The following KAZN variants were observed in gnomAD, a reference collection of about 807,000 sequenced individuals.
The protein encoded by KAZN is kazrin.
A neutral mutation model predicts 87.4 loss-of-function variants in KAZN; 40 were observed. The ratio of observed to expected loss-of-function variants is 0.46; its 90% CI spans 0.36 to 0.60. The LOEUF is 0.60. Among genes scored for constraint, KAZN ranks in the 20% least tolerant of loss-of-function variants. The pLI is 0.00. For synonymous variants in KAZN, 466 were observed against 458.3 expected (o/e 1.02, Z -0.22); for missense variants, 898 against 1,073.9 (o/e 0.84, Z 2.29).
At chr1:15,051,241 C>G (rs977990803) in intron 4 of KAZN, among the ~76,000 whole-genome samples, 1 of 152,230 alleles carries the variant, frequency 6.6e-6, no homozygotes, top group Non-Finnish European at 1.5e-5. Context: ...GCCAGACTTG[C>G]TCTCTGATGT....
intron 1 of KAZN, among the ~76,000 whole-genome samples, chr1:14,704,755 G>A (rs886374194): frequency 1.3e-5 from 2 of 152,158 alleles, no homozygotes; most frequent in Admixed American, 6.5e-5. Context: ...AAATGACATC[G>A]GGGTTCAGCC....
chr1:14,972,813 C>T (rs1665217697), intron 2 of KAZN, among the ~76,000 whole-genome samples: 1 of 152,102 alleles, frequency 6.6e-6, no homozygotes, highest in Non-Finnish European at 1.5e-5. Context: ...CTGTGCCTGG[C>T]CGTGAGCTCT....
rs545314823 is a variant in KAZN at position 15,077,744 on chromosome 1, C to G, written c.1222+11991C>G. ...ATCCAAGAAATCCCAGGAGGCTGCG[C>G]AGTTATCAGCATGAAAAGCAGCTGC... is the stretch of plus-strand genomic sequence containing the variant. On this transcript the variant is annotated intron_variant, in intron 8 of 14. Coordinates refer to ENST00000376030, the MANE Select transcript of KAZN (RefSeq NM_201628.3). This position sits in a 1 kb window ranked among gnomAD's most constrained non-coding sequence, Gnocchi z 4.8. 6.6e-5 allele frequency among the ~76,000 whole-genome samples: 10 copies of G among 152,324 alleles called. No homozygotes were observed. The highest frequency in any genetic ancestry group is 4.1e-4 in the South Asian group (2 of 4,828).
intron 1 of KAZN, among the ~76,000 whole-genome samples, chr1:13,958,830 G>C (rs1018117684): frequency 6.6e-6 from 1 of 152,102 alleles, no homozygotes; most frequent in African/African-American, 2.4e-5. Flanking sequence ...GCCAAGGCGG[G>C]AGTGGAAGTG....
At chr1:14,282,854 G>GA (rs1652951221) in intron 2 of KAZN, among the ~76,000 whole-genome samples, 1 of 152,226 alleles carries the variant, frequency 6.6e-6, no homozygotes, top group Non-Finnish European at 1.5e-5. Flanking sequence ...CAGCCAGGAA[G>GA]ATAATAGATG....
At chr1:14,886,335 A>T (rs1310476134) in intron 1 of KAZN, among the ~76,000 whole-genome samples, 2 of 152,100 alleles carry the variant, frequency 1.3e-5, no homozygotes, top group African/African-American at 2.4e-5. Flanking sequence ...ATGTGGGAGG[A>T]TCACTTGAGC....
chr1:14,216,957 G>A (rs1646969346), intron 2 of KAZN, among the ~76,000 whole-genome samples: 1 of 152,152 alleles, frequency 6.6e-6, no homozygotes, highest in South Asian at 2.1e-4. Context: ...TGGGCAACAG[G>A]AAAAGATCAC....
intron 1 of KAZN, among the ~76,000 whole-genome samples, chr1:13,899,646 T>A (rs929906503): frequency 5.4e-5 from 2 of 37,268 alleles, no homozygotes; most frequent in Non-Finnish European, 4.8e-5. Context: ...TGGTTGTCCT[T>A]TTTTTTTTTT....
At chr1:14,307,553 C>T (rs1207967830) in intron 2 of KAZN, among the ~76,000 whole-genome samples, 1 of 152,166 alleles carries the variant, frequency 6.6e-6, no homozygotes, top group Non-Finnish European at 1.5e-5. Context: ...GGACTTCCTC[C>T]AAGACCATTA....
chr1:13,998,615 A>G (rs1639634761), intron 1 of KAZN, among the ~76,000 whole-genome samples: 1 of 151,906 alleles, frequency 6.6e-6, no homozygotes, highest in Non-Finnish European at 1.5e-5. Flanking sequence ...AGAAAGATAA[A>G]AAAAAAAAAG....
intron 1 of KAZN, among the ~76,000 whole-genome samples, chr1:14,912,298 C>T (rs1657340083): frequency 6.6e-6 from 1 of 152,130 alleles, no homozygotes; most frequent in Admixed American, 6.5e-5. Context: ...GGTGAGATAA[C>T]AGACAGAAAG....
intron 1 of KAZN, among the ~76,000 whole-genome samples, chr1:14,005,774 T>C (rs538791889): frequency 2.7e-4 from 41 of 152,270 alleles, no homozygotes; most frequent in African/African-American, 8.7e-4. Flanking sequence ...ATGAAGACAA[T>C]GGGGCTCTTC....
At chr1:14,982,583 C>T (rs995466847) in intron 2 of KAZN, among the ~76,000 whole-genome samples, 8 of 152,114 alleles carry the variant, frequency 5.3e-5, no homozygotes, top group Non-Finnish European at 1.2e-4. Flanking sequence ...GCATGCGCCA[C>T]CACGCCCAGC....
At chr1:14,909,833 T>G (rs747588738) in intron 1 of KAZN, among the ~76,000 whole-genome samples, 14 of 152,022 alleles carry the variant, frequency 9.2e-5, no homozygotes, top group Non-Finnish European at 1.8e-4. Context: ...TCACCTGAGC[T>G]CAGGAGTTCA....
chr1:13,977,484 A>T (rs187605355), intron 1 of KAZN, among the ~76,000 whole-genome samples: 11 of 152,336 alleles, frequency 7.2e-5, no homozygotes, highest in African/African-American at 2.6e-4. Flanking sequence ...ATCAGATAAG[A>T]TATGTCAAAG....
At chr1:14,338,291 T>C (rs1041408148) in intron 2 of KAZN, among the ~76,000 whole-genome samples, 2 of 148,186 alleles carry the variant, frequency 1.3e-5, no homozygotes, top group Admixed American at 1.4e-4. Context: ...CTGGCCAACA[T>C]GGCGAAACCC....
intron 1 of KAZN, among the ~76,000 whole-genome samples, chr1:14,867,710 G>A (rs1321471822): frequency 1.3e-5 from 2 of 149,592 alleles, no homozygotes; most frequent in Non-Finnish European, 3.0e-5. Context: ...GCTTTACTCG[G>A]TGTCTTTGAA....
intron 2 of KAZN, among the ~76,000 whole-genome samples, chr1:14,256,017 C>G (rs528777077): frequency 6.6e-6 from 1 of 152,100 alleles, no homozygotes; most frequent in Admixed American, 6.5e-5. Flanking sequence ...GACTCTCTGT[C>G]GCAGCTTCTC....
At chr1:13,993,815 G>C (rs959104832) in intron 1 of KAZN, among the ~76,000 whole-genome samples, 7 of 152,212 alleles carry the variant, frequency 4.6e-5, no homozygotes, top group African/African-American at 1.7e-4. Flanking sequence ...CCTCAGAGTA[G>C]TTTGACTTCT....
Sources: gnomAD v4.1 joint callset for allele counts (sites outside exome capture counted in the v4.1 genomes callset) on GRCh38, gnomAD v4.1.1 for gene constraint, Gnocchi (gnomAD v3.1) non-coding constraint, MANE v1.5 for transcripts, NCBI Gene and HGNC (gene_info 2026-07-23, HGNC 2026-07-21) for gene names.